PARD6B: variants seen among roughly 807,000 people sequenced by gnomAD.
PARD6B encodes the protein par-6 family cell polarity regulator beta, also known as partitioning defective 6 homolog beta.
In PARD6B, 4 loss-of-function variants were observed where a neutral mutation model predicts 10.5. The ratio of observed to expected loss-of-function variants is 0.38; its 90% CI spans 0.19 to 0.87. The LOEUF (loss-of-function observed/expected upper bound fraction) is 0.87, where lower values mean the gene tolerates loss of function less well. PARD6B is among the 40% of genes least tolerant of loss of function. The pLI, the probability that PARD6B is intolerant of heterozygous loss-of-function variation, is 0.41. For synonymous variants in PARD6B, 169 were observed against 170.4 expected (o/e 0.99, Z 0.07); for missense variants, 396 against 470.6 (o/e 0.84, Z 1.47).
At chr20:50,744,828 G>A (rs981315538) in intron 2 of PARD6B, among the ~76,000 whole-genome samples, 3 of 152,100 alleles carry the variant, frequency 2.0e-5, no homozygotes, top group Admixed American at 6.5e-5. Flanking sequence ...ACTCCTACAA[G>A]CCAGGCCAGG....
In PARD6B at chr20:50,750,634, AGTTTGATAATT is replaced by A. The variant is rs1369342139; in HGVS notation, c.*150_*160del. The A allele has an allele frequency of 1.1e-5, 15 of 1,415,248 alleles. No individual in the cohort carries two copies. Among genetic ancestry groups the A allele is most frequent in the African/African-American group, 1.4e-5 (1 of 69,432 alleles). The allele number at this position is 1,415,248 out of a possible 1,614,324, so 87.7% of individuals were successfully genotyped here. A position where few individuals can be genotyped will look rare whatever the true frequency, so the allele number is the denominator to read the frequency against. On this transcript the variant is annotated 3_prime_UTR_variant, in exon 3 of 3. Transcript: ENST00000371610. ...AAGCTTACAATATTATTAAAGTAGTAGTTTGATAATTGTTAATATAAACTTTGGTGGATCAG... is the reference window on the plus strand; with the variant it reads ...AAGCTTACAATATTATTAAAGTAGTAGTTAATATAAACTTTGGTGGATCAG...
chr20:50,751,892 T>A lies in PARD6B; in HGVS notation c.*1404T>A. 2 of 866,914 alleles carry A rather than the reference T, an allele frequency of 2.3e-6. No individual in the cohort carries two copies. Among genetic ancestry groups the A allele is most frequent in the Non-Finnish European group, 2.8e-6 (2 of 722,494 alleles). The allele number at this position is 866,914 out of a possible 1,614,324, so 53.7% of individuals were successfully genotyped here. A position where few individuals can be genotyped will look rare whatever the true frequency, so the allele number is the denominator to read the frequency against. ...TATTTTTTTGTATTTTTAGTAGAGATGGAGTTTCACCATGTTGGTCAGGTG... is the reference window on the plus strand; with the variant it reads ...TATTTTTTTGTATTTTTAGTAGAGAAGGAGTTTCACCATGTTGGTCAGGTG... On this transcript the variant is annotated 3_prime_UTR_variant, in exon 3 of 3. Coordinates refer to ENST00000371610, the MANE Select transcript of PARD6B (RefSeq NM_032521.3).
chr20:50,751,639 C>T lies in PARD6B; in HGVS notation c.*1151C>T, dbSNP rs2087611203. 2.0e-6 allele frequency: 2 copies of T among 984,966 alleles called. No homozygotes were observed. The highest frequency in any genetic ancestry group is 1.1e-4 in the East Asian group (1 of 8,782). 61.0% of individuals were successfully genotyped at this position (984,966 alleles called of 1,614,324 possible). A position where few individuals can be genotyped will look rare whatever the true frequency, so the allele number is the denominator to read the frequency against. ...GGGATTACAGGCGTGAGCCACCGCG[C>T]CCAGTTGTGCATTTCTGGTTTCTAA... On this transcript the variant is annotated 3_prime_UTR_variant, in exon 3 of 3. Transcript: ENST00000371610.
chr20:50,732,458 A>G (rs779797131), intron 1 of PARD6B, among the ~76,000 whole-genome samples: 6 of 152,170 alleles, frequency 3.9e-5, no homozygotes, highest in Non-Finnish European at 7.4e-5. Flanking sequence ...CCATCCTGCT[A>G]CCTACTCACA....
In PARD6B at chr20:50,749,647, A is replaced by T. The variant is rs776227752; in HGVS notation, c.290-12A>T. 1.3e-6 allele frequency: 2 copies of T among 1,548,582 alleles called. No homozygotes were observed. The highest frequency in any genetic ancestry group is 1.7e-6 in the Non-Finnish European group (2 of 1,152,442). On this transcript the variant is annotated splice_polypyrimidine_tract_variant and intron_variant, in intron 2 of 2. Transcript: ENST00000371610. ...AGCATTTCTATAATTATTTTGTTTT[A>T]TTTTTAAACAGAAGAAGCAGACTAC...
chr20:50,739,454 AAAG>A (rs2087518442), intron 2 of PARD6B, among the ~76,000 whole-genome samples: 1 of 152,088 alleles, frequency 6.6e-6, no homozygotes, highest in Non-Finnish European at 1.5e-5. Context: ...ATTTTTTTGA[AAAG>A]AAAGTAGCTT....
Position 50,731,712 on chromosome 20 carries a change from A to T in PARD6B, c.-75A>T, listed in dbSNP as rs1459677849. On this transcript the variant is annotated 5_prime_UTR_variant, in exon 1 of 3. Coordinates refer to ENST00000371610, the MANE Select transcript of PARD6B (RefSeq NM_032521.3). ...GCCGCAACCGCTTTCCGAGATCCCC[A>T]GTCGCGCACTCGCTCCCCGCGCTCC... 1.8e-5 allele frequency: 24 copies of T among 1,301,994 alleles called. No homozygotes were observed. The highest frequency in any genetic ancestry group is 2.4e-5 in the Non-Finnish European group (24 of 1,007,312). 80.7% of individuals were successfully genotyped at this position (1,301,994 alleles called of 1,614,324 possible). A position where few individuals can be genotyped will look rare whatever the true frequency, so the allele number is the denominator to read the frequency against.
Position 50,737,910 on chromosome 20 carries a change from T to A in PARD6B, c.120T>A (p.Phe40Leu). Residue 40 changes from phenylalanine to leucine, a missense_variant, in exon 2 of 3, where the codon TTT becomes TTA. Physicochemically the swap from Phe to Leu is conservative, Grantham distance 22. Around this residue, in one of 2 missense-constraint regions of PARD6B, gnomAD observed 208 missense variants for 300.9 expected, o/e 0.69. Transcript: ENST00000371610. ...TGGAAAGATCAAAACCTGGAAAATT[T>A]GAGGAGTTTTATGGATTACTACAAC... ...FSLERSKPGK[F>L]EEFYGLLQHV... 1 of 1,609,828 alleles carries A rather than the reference T, an allele frequency of 6.2e-7. No homozygotes were observed. Among genetic ancestry groups the A allele is most frequent in the Non-Finnish European group, 8.5e-7 (1 of 1,178,326 alleles).
rs1323653887 is a variant in PARD6B, at chr20:50,753,180, C to A, written c.*2692C>A. On this transcript the variant is annotated 3_prime_UTR_variant, in exon 3 of 3. Transcript: ENST00000371610. Reference sequence around the variant, plus strand: ...CTGTAAAATACAGATTTATCTTGTACGCATTCATGGAAATGGAAATCAAAG... The same window carrying A: ...CTGTAAAATACAGATTTATCTTGTAAGCATTCATGGAAATGGAAATCAAAG... The A allele has an allele frequency of 9.1e-6, 9 of 984,550 alleles. No individual in the cohort carries two copies. Among genetic ancestry groups the A allele is most frequent in the Non-Finnish European group, 9.6e-6 (8 of 829,272 alleles). The allele number at this position is 984,550 out of a possible 1,614,324, so 61.0% of individuals were successfully genotyped here.
intron 2 of PARD6B, among the ~76,000 whole-genome samples, chr20:50,742,351 ATTTATTTTAT>A (rs879671852): frequency 6.7e-6 from 1 of 149,496 alleles, no homozygotes; most frequent in South Asian, 2.1e-4. Context: ...GCCCCAAGTG[ATTTATTTTAT>A]TTTATTTTAT....
chr20:50,746,870 C>T (rs1391474036), intron 2 of PARD6B, among the ~76,000 whole-genome samples: 1 of 152,136 alleles, frequency 6.6e-6, no homozygotes, highest in South Asian at 2.1e-4. Context: ...TGTTTTAAAA[C>T]ACAAATATGT....
intron 2 of PARD6B, among the ~76,000 whole-genome samples, chr20:50,747,884 T>G (rs1348199364): frequency 6.6e-6 from 1 of 152,226 alleles, no homozygotes; most frequent in Non-Finnish European, 1.5e-5. Flanking sequence ...GCCATCTAAA[T>G]GAGGCAGGAG....
intron 2 of PARD6B, among the ~76,000 whole-genome samples, chr20:50,739,385 G>C (rs2087517633): frequency 6.6e-6 from 1 of 152,116 alleles, no homozygotes; most frequent in Non-Finnish European, 1.5e-5. Flanking sequence ...AGGTTGCAGT[G>C]AGCCGAGATC....
chr20:50,749,627 T>C (rs1298924149), intron 2 of PARD6B, 32 bp from the exon 3 acceptor site: 1 of 1,498,652 alleles, frequency 6.7e-7, no homozygotes, highest in East Asian at 2.3e-5. Flanking sequence ...TTTACAGCAT[T>C]TCTATAATTA....
At position 50,753,139 on chromosome 20, in the gene PARD6B, T is replaced by C; in HGVS notation, c.*2651T>C. 3.0e-6 allele frequency: 3 copies of C among 985,394 alleles called. No individual in the cohort carries two copies. The South Asian group carries it at 1.4e-4, about 46-fold the overall frequency. 61.0% of individuals were successfully genotyped at this position (985,394 alleles called of 1,614,324 possible). On this transcript the variant is annotated 3_prime_UTR_variant, in exon 3 of 3. Transcript: ENST00000371610. ...GAAAAACTACTTCAGGGCTTGACTT[T>C]TTGTACAAATTTTAACTGTAAAATA...
intron 1 of PARD6B, among the ~76,000 whole-genome samples, chr20:50,735,747 C>CTGT (rs2087496270): frequency 6.6e-6 from 1 of 151,952 alleles, no homozygotes; most frequent in African/African-American, 2.4e-5. Context: ...TTTATCATAA[C>CTGT]AGTTAAGCAA....
At position 50,737,962 on chromosome 20, in the gene PARD6B, G is replaced by C. The variant is rs142377445; in HGVS notation, c.172G>C (p.Val58Leu). 19 of 1,613,166 alleles carry C rather than the reference G, an allele frequency of 1.2e-5. No homozygotes were observed. The highest frequency in any genetic ancestry group is 1.6e-5 in the Non-Finnish European group (19 of 1,179,628). Residue 58 changes from valine (V) to leucine (L), a missense_variant, in exon 2 of 3, where the codon GTT (valine) becomes CTT (leucine). Transcript: ENST00000371610. ...QHVHKIPNVDVLVGYADIHGD... is the reference protein window; with the variant it reads ...QHVHKIPNVDLLVGYADIHGD... ...TGTTCATAAGATCCCCAATGTTGAC[G>C]TTTTGGTAGGCTATGCAGACATCCA...
chr20:50,731,882 CGGGCCTGGG>C, intron 1 of PARD6B, 30 bp downstream of exon 1: 2 of 1,407,846 alleles, frequency 1.4e-6, no homozygotes, highest in Non-Finnish European at 1.8e-6. Flanking sequence ...GGCGGAGCGG[CGGGCCTGGG>C]GGGCCGGGGC....
At chr20:50,732,826 G>A (rs2087478927) in intron 1 of PARD6B, among the ~76,000 whole-genome samples, 1 of 152,036 alleles carries the variant, frequency 6.6e-6, no homozygotes, top group African/African-American at 2.4e-5. Flanking sequence ...ACAGGACACT[G>A]GCTGGGCCCT....
Sources: allele counts gnomAD v4.1 joint callset (sites outside exome capture counted in the v4.1 genomes callset), GRCh38; gene constraint gnomAD v4.1.1; regional missense constraint gnomAD v4.1.1; transcripts MANE v1.5; gene names NCBI Gene and HGNC (gene_info 2026-07-23, HGNC 2026-07-21).